PKD2: variants seen among roughly 807,000 people sequenced by gnomAD.
The protein encoded by PKD2 is polycystin 2, transient receptor potential cation channel.
Under a neutral mutation model 105.9 loss-of-function variants are expected in PKD2, and 48 were observed. That is an observed-to-expected ratio of 0.45 (90% CI 0.36 to 0.58). The LOEUF (loss-of-function observed/expected upper bound fraction) is 0.58, where lower values mean the gene tolerates loss of function less well. Among genes scored for constraint, PKD2 ranks in the 20% least tolerant of loss-of-function variants. The pLI is 0.00. For missense variants in PKD2, 1,078 were observed against 1,255.3 expected, an observed-to-expected ratio of 0.86 and a Z score of 2.13; for synonymous variants, 464 against 481.1, an observed-to-expected ratio of 0.96 and a Z score of 0.46.
Position 88,064,541 on chromosome 4 carries a change from A to G in PKD2, c.2119-833A>G, listed in dbSNP as rs1295664212. On this transcript the variant is annotated intron_variant, in intron 10 of 14. Coordinates refer to ENST00000237596, the MANE Select transcript of PKD2 (RefSeq NM_000297.4). Reference sequence around the variant, plus strand: ...ATCATTTTGCACAATTTCAGCTTGCATGGTCACTTACAGTGCCGCACTATG... The same window carrying G: ...ATCATTTTGCACAATTTCAGCTTGCGTGGTCACTTACAGTGCCGCACTATG... Among the ~76,000 whole-genome samples, 7 of 152,190 alleles carry G rather than the reference A, an allele frequency of 4.6e-5. No homozygotes were observed. In the East Asian group the frequency reaches 5.8e-4, roughly 13 times the overall value.
At chr4:88,028,383 G>C (rs1359248376) in intron 2 of PKD2, among the ~76,000 whole-genome samples, 1 of 152,168 alleles carries the variant, frequency 6.6e-6, no homozygotes, top group Non-Finnish European at 1.5e-5. Context: ...CGTCTTGATT[G>C]CTCACCACAT....
chr4:88,052,523 G>A (rs1048272304), intron 7 of PKD2, among the ~76,000 whole-genome samples: 1 of 152,058 alleles, frequency 6.6e-6, no homozygotes, highest in African/African-American at 2.4e-5. Flanking sequence ...TCCCACCTCA[G>A]CCTCCCAAAG....
At chr4:88,012,011 A>T (rs1726400580) in intron 1 of PKD2, among the ~76,000 whole-genome samples, 1 of 151,836 alleles carries the variant, frequency 6.6e-6, no homozygotes, top group South Asian at 2.1e-4. Context: ...GAGGTTAAGG[A>T]TGCTGCTAAT....
At chr4:88,065,987 C>T in intron 12 of PKD2, 108 bp downstream of exon 12, 1 of 760,630 alleles carries the variant, frequency 1.3e-6, no homozygotes, top group East Asian at 2.5e-5. Context: ...CATTCCCCAC[C>T]ACACTCTCTC....
intron 2 of PKD2, among the ~76,000 whole-genome samples, chr4:88,030,239 G>A (rs999171903): frequency 3.3e-5 from 5 of 152,048 alleles, no homozygotes; most frequent in Non-Finnish European, 1.5e-5. Context: ...GCAGCTTGGG[G>A]GCTCAAGAGA....
At chr4:88,069,594 A>G (rs1437302445) in intron 13 of PKD2, among the ~76,000 whole-genome samples, 5 of 152,114 alleles carry the variant, frequency 3.3e-5, no homozygotes, top group Admixed American at 1.3e-4. Flanking sequence ...TCATCTATCT[A>G]TATGTATATA....
chr4:88,008,701 A>G (rs1350003529), intron 1 of PKD2, among the ~76,000 whole-genome samples: 1 of 152,048 alleles, frequency 6.6e-6, no homozygotes, highest in African/African-American at 2.4e-5. Flanking sequence ...TTGCAACTGC[A>G]TATTTGCCAA....
intron 6 of PKD2, among the ~76,000 whole-genome samples, chr4:88,048,026 C>T (rs1727839713): frequency 6.6e-6 from 1 of 152,116 alleles, no homozygotes; most frequent in African/African-American, 2.4e-5. Context: ...AGAATTTTTA[C>T]AAGCTTTTCT....
At chr4:88,064,107 A>G (rs1409208673) in intron 10 of PKD2, among the ~76,000 whole-genome samples, 1 of 152,220 alleles carries the variant, frequency 6.6e-6, no homozygotes, top group African/African-American at 2.4e-5. Context: ...GTAAGCTGAG[A>G]TTGCACCACT....
At chr4:88,054,120 A>G (rs977909367) in intron 7 of PKD2, among the ~76,000 whole-genome samples, 2 of 152,056 alleles carry the variant, frequency 1.3e-5, no homozygotes, top group Non-Finnish European at 2.9e-5. Flanking sequence ...ATAATAATCA[A>G]GATCTCAGCT....
At chr4:88,057,907 C>A (rs1008044552) in intron 8 of PKD2, 76 bp from the exon 9 acceptor site, 7 of 1,157,360 alleles carry the variant, frequency 6.0e-6, no homozygotes, top group Non-Finnish European at 7.8e-6. Flanking sequence ...ATAATGAAAT[C>A]ATCTTTAAGA....
At chr4:88,037,916 G>A (rs1560608276) in intron 3 of PKD2, among the ~76,000 whole-genome samples, 2 of 152,190 alleles carry the variant, frequency 1.3e-5, no homozygotes, top group South Asian at 4.1e-4. Flanking sequence ...TTTAATAAGG[G>A]AAAGTGCAGT....
At chr4:88,009,843 T>C (rs1726325662) in intron 1 of PKD2, among the ~76,000 whole-genome samples, 1 of 152,234 alleles carries the variant, frequency 6.6e-6, no homozygotes, top group African/African-American at 2.4e-5. Context: ...TTTAAGTTAA[T>C]AAATAATGGT....
Position 88,061,892 on chromosome 4 carries a change from T to C in PKD2, c.2020-14T>C, listed in dbSNP as rs1164629640. 12 of 1,298,590 alleles carry C rather than the reference T, an allele frequency of 9.2e-6. No homozygotes were observed. The highest frequency in any genetic ancestry group is 1.3e-5 in the Non-Finnish European group (12 of 892,742). The allele number at this position is 1,298,590 out of a possible 1,614,324, so 80.4% of individuals were successfully genotyped here. A position where few individuals can be genotyped will look rare whatever the true frequency, so the allele number is the denominator to read the frequency against. On this transcript the variant is annotated splice_polypyrimidine_tract_variant and intron_variant, in intron 9 of 14. Coordinates refer to ENST00000237596, the MANE Select transcript of PKD2 (RefSeq NM_000297.4). Reference sequence around the variant, plus strand: ...TCTTCCTTTAATTTTTGCCCTCCTTTCATTTACAAACAGAATATGTTTTTG... The same window carrying C: ...TCTTCCTTTAATTTTTGCCCTCCTTCCATTTACAAACAGAATATGTTTTTG...
chr4:88,038,032 G>A (rs1162653718), intron 3 of PKD2, among the ~76,000 whole-genome samples: 1 of 152,176 alleles, frequency 6.6e-6, no homozygotes, highest in Non-Finnish European at 1.5e-5. Flanking sequence ...GGGTTTTCCA[G>A]ATGCAAGAAC....
intron 1 of PKD2, among the ~76,000 whole-genome samples, chr4:88,017,078 C>T (rs1327970648): frequency 1.3e-5 from 2 of 151,916 alleles, no homozygotes; most frequent in Non-Finnish European, 2.9e-5. Context: ...AATCCCAGCA[C>T]TTTGGGAGGC....
At chr4:88,042,353 C>T (rs544594356) in intron 4 of PKD2, among the ~76,000 whole-genome samples, 1 of 152,292 alleles carries the variant, frequency 6.6e-6, no homozygotes, top group East Asian at 1.9e-4. Context: ...GAGACTTACT[C>T]ACTATCATGA....
intron 1 of PKD2, among the ~76,000 whole-genome samples, chr4:88,010,785 A>T (rs1726357963): frequency 6.6e-6 from 1 of 152,250 alleles, no homozygotes; most frequent in African/African-American, 2.4e-5. Context: ...ACATGAATCC[A>T]AGATGGACAA....
In PKD2 at chr4:88,052,175, A is replaced by T. The variant is rs142580445; in HGVS notation, c.1716+17A>T. The T allele has an allele frequency of 7.0e-7, 1 of 1,429,620 alleles. No homozygotes were observed. Among genetic ancestry groups the T allele is most frequent in the East Asian group, 2.3e-5 (1 of 43,872 alleles). 88.6% of individuals were successfully genotyped at this position (1,429,620 alleles called of 1,614,324 possible). The stretch of plus-strand genomic sequence containing the variant: ...TGGATTAAGGTAATTTATAAATTTC[A>T]TGTTCTACATTTTAAATAATATTTT... On this transcript the variant is annotated intron_variant, in intron 7 of 14. Coordinates refer to ENST00000237596, the MANE Select transcript of PKD2 (RefSeq NM_000297.4).
Sources: allele counts gnomAD v4.1 joint callset (sites outside exome capture counted in the v4.1 genomes callset), GRCh38; gene constraint gnomAD v4.1.1; transcripts MANE v1.5; gene names NCBI Gene and HGNC (gene_info 2026-07-23, HGNC 2026-07-21).